FSTL5: variants seen among roughly 807,000 people sequenced by gnomAD.
FSTL5 encodes follistatin-related protein 5.
In FSTL5, 62 loss-of-function variants were observed where a neutral mutation model predicts 89.1. The observed-to-expected ratio is 0.70, with a 90% CI of 0.57 to 0.86. FSTL5 has a LOEUF of 0.86. FSTL5 is among the 40% of genes least tolerant of loss of function. The pLI, the probability that FSTL5 is intolerant of heterozygous loss-of-function variation, is 0.00. For missense variants in FSTL5, 1,057 were observed against 1,001.6 expected (o/e 1.06, Z -0.75); for synonymous variants, 383 against 346.2 (o/e 1.11, Z -1.18).
At chr4:161,691,925 A>G (rs1342473099) in intron 6 of FSTL5, among the ~76,000 whole-genome samples, 1 of 151,774 alleles carries the variant, frequency 6.6e-6, no homozygotes, top group African/African-American at 2.4e-5. Flanking sequence ...GTGAGTGTGC[A>G]TTCTTTGGAC....
chr4:161,569,653 G>A (rs1437140207), intron 8 of FSTL5, among the ~76,000 whole-genome samples: 2 of 151,836 alleles, frequency 1.3e-5, no homozygotes, highest in Non-Finnish European at 2.9e-5. Context: ...GAAAATAGAG[G>A]AAGAAAGACT....
At chr4:161,799,801 G>C (rs1486678585) in intron 4 of FSTL5, among the ~76,000 whole-genome samples, 1 of 151,712 alleles carries the variant, frequency 6.6e-6, no homozygotes, top group African/African-American at 2.4e-5. Flanking sequence ...GTGAATGCTG[G>C]AGTTGGGTTA....
intron 11 of FSTL5, among the ~76,000 whole-genome samples, chr4:161,508,584 T>C (rs1342845887): frequency 6.6e-6 from 1 of 152,164 alleles, no homozygotes; most frequent in Non-Finnish European, 1.5e-5. Context: ...TAGAAAATAA[T>C]CTGGATTTAT....
At chr4:161,615,814 T>C (rs1049179286) in intron 7 of FSTL5, among the ~76,000 whole-genome samples, 2 of 152,174 alleles carry the variant, frequency 1.3e-5, no homozygotes, top group African/African-American at 4.8e-5. Flanking sequence ...AGGGTTGTTA[T>C]ATTTACACTA....
intron 7 of FSTL5, among the ~76,000 whole-genome samples, chr4:161,606,045 G>GCATTTCTCCTTGTTCTATTATTGC (rs1560975731): frequency 6.6e-6 from 1 of 152,028 alleles, no homozygotes; most frequent in African/African-American, 2.4e-5. Flanking sequence ...CTAGCTTACT[G>GCATTTCTCCTTGTTCTATTATTGC]GAAGATGAGA....
chr4:161,578,810 T>C (rs376740296), intron 8 of FSTL5, among the ~76,000 whole-genome samples: 15 of 151,910 alleles, frequency 9.9e-5, no homozygotes, highest in African/African-American at 1.9e-4. Context: ...CAGAAGACAA[T>C]AGAACATCTA....
At chr4:161,472,479 T>G (rs1457680047) in intron 13 of FSTL5, among the ~76,000 whole-genome samples, 1 of 152,126 alleles carries the variant, frequency 6.6e-6, no homozygotes, top group Non-Finnish European at 1.5e-5. Context: ...ATGTAAGTAT[T>G]TATCATTCTA....
At position 161,892,610 on chromosome 4, in the gene FSTL5, A is replaced by G. The variant is rs570824237; in HGVS notation, c.409+27794T>C. Among the ~76,000 whole-genome samples the G allele has an allele frequency of 9.5e-4, 145 of 152,202 alleles. 1 individual carries two copies. Among genetic ancestry groups the G allele is most frequent in the African/African-American group, 3.4e-3 (142 of 41,592 alleles). On this transcript the variant is annotated intron_variant, in intron 4 of 15. Coordinates refer to ENST00000306100, the MANE Select transcript of FSTL5 (RefSeq NM_020116.5). Reference sequence around the variant, plus strand: ...CTTCACAGGTTTTCAAACTTGAAGAATCAACTCCCAAACTAACTCAAAGTA... The same window carrying G: ...CTTCACAGGTTTTCAAACTTGAAGAGTCAACTCCCAAACTAACTCAAAGTA...
chr4:162,007,190 T>C (rs1311544772), intron 3 of FSTL5, among the ~76,000 whole-genome samples: 4 of 151,878 alleles, frequency 2.6e-5, no homozygotes, highest in Non-Finnish European at 5.9e-5. Context: ...ATTGCTATCC[T>C]AGAGGAGTGC....
chr4:161,678,105 G>T (rs1737373055), intron 6 of FSTL5, among the ~76,000 whole-genome samples: 1 of 151,630 alleles, frequency 6.6e-6, no homozygotes, highest in Non-Finnish European at 1.5e-5. Context: ...TGTGATGAAT[G>T]CAATAATATA....
chr4:161,423,591 T>C (rs180995266), intron 15 of FSTL5, among the ~76,000 whole-genome samples: 1 of 152,276 alleles, frequency 6.6e-6, no homozygotes, highest in Admixed American at 6.5e-5. Flanking sequence ...TTATGGACTT[T>C]ATTTGTTTAG....
intron 1 of FSTL5, among the ~76,000 whole-genome samples, chr4:162,114,811 A>G (rs1426553246): frequency 6.6e-6 from 1 of 152,178 alleles, no homozygotes; most frequent in East Asian, 1.9e-4. Context: ...CTGTATAGGC[A>G]ACCTATTTGT....
intron 7 of FSTL5, among the ~76,000 whole-genome samples, chr4:161,621,076 C>T (rs1173399536): frequency 6.6e-6 from 1 of 152,132 alleles, no homozygotes; most frequent in East Asian, 1.9e-4. Flanking sequence ...CTGGAGAAAA[C>T]ATACTCTTGC....
At chr4:161,784,471 T>C (rs1364692136) in intron 4 of FSTL5, among the ~76,000 whole-genome samples, 5 of 152,100 alleles carry the variant, frequency 3.3e-5, no homozygotes, top group African/African-American at 9.7e-5. Flanking sequence ...AAAAGATGCA[T>C]GTGATTCTAT....
intron 3 of FSTL5, among the ~76,000 whole-genome samples, chr4:161,982,006 T>C (rs1735840508): frequency 6.6e-6 from 1 of 152,234 alleles, no homozygotes; most frequent in Admixed American, 6.5e-5. Context: ...TCAAAAAATC[T>C]AGTTCATTAA....
chr4:162,143,289 A>G (rs569711025), intron 1 of FSTL5, among the ~76,000 whole-genome samples: 43 of 152,214 alleles, frequency 2.8e-4, no homozygotes, highest in Admixed American at 9.8e-4. Flanking sequence ...ACCTTGATTT[A>G]TATTTAGGCA....
intron 15 of FSTL5, among the ~76,000 whole-genome samples, chr4:161,454,585 A>G (rs571230439): frequency 6.6e-6 from 1 of 152,326 alleles, no homozygotes; most frequent in South Asian, 2.1e-4. Flanking sequence ...TACATTGAAT[A>G]TATTTCTATG....
intron 7 of FSTL5, among the ~76,000 whole-genome samples, chr4:161,611,124 A>T (rs1474101409): frequency 1.2e-5 from 1 of 81,612 alleles, no homozygotes; most frequent in Non-Finnish European, 2.4e-5. Flanking sequence ...GAAAAGATAC[A>T]TATATATATA....
intron 6 of FSTL5, among the ~76,000 whole-genome samples, chr4:161,706,455 T>A (rs1738583007): frequency 2.6e-5 from 4 of 152,032 alleles, no homozygotes; most frequent in Admixed American, 2.0e-4. Context: ...TATTGAATTA[T>A]CCACTCTTGC....
Sources: allele counts gnomAD v4.1 joint callset (sites outside exome capture counted in the v4.1 genomes callset), GRCh38; gene constraint gnomAD v4.1.1; transcripts MANE v1.5; gene names NCBI Gene and HGNC (gene_info 2026-07-23, HGNC 2026-07-21).